The following ANKRD42 variants were observed in gnomAD, a reference collection of about 807,000 sequenced individuals.
The protein encoded by ANKRD42 is ankyrin repeat domain 42.
A neutral mutation model predicts 51.5 loss-of-function variants in ANKRD42; 43 were observed. That is an observed-to-expected ratio of 0.83 (90% confidence interval 0.65 to 1.08). The LOEUF (loss-of-function observed/expected upper bound fraction) is 1.08. Among genes scored for constraint, ANKRD42 ranks in the 50% least tolerant of loss-of-function variants. ANKRD42 has a pLI of 0.00. For missense variants in ANKRD42, 608 were observed against 629.3 expected, an observed-to-expected ratio of 0.97 and a Z score of 0.36; for synonymous variants, 203 against 213.0, an observed-to-expected ratio of 0.95 and a Z score of 0.41.
intron 4 of ANKRD42, 67 bp downstream of exon 4, chr11:83,210,486 G>C: frequency 6.4e-7 from 1 of 1,562,036 alleles, no homozygotes; most frequent in Non-Finnish European, 8.7e-7. Context: ...TGGTAGTCTA[G>C]TTATCTCTTC....
downstream of ANKRD42, chr11:83,259,142 A>G (rs536365363): frequency 6.6e-5 from 10 of 152,356 alleles, no homozygotes; most frequent in African/African-American, 2.4e-4. Flanking sequence ...AGTACCTCAC[A>G]TGTGTCTAGA....
intron 3 of ANKRD42, among the ~76,000 whole-genome samples, chr11:83,208,343 G>A (rs1862163934): frequency 6.6e-6 from 1 of 151,578 alleles, no homozygotes; most frequent in African/African-American, 2.4e-5. Flanking sequence ...AGAAAAGAGA[G>A]TTTTTATATA....
At chr11:83,236,791 A>T (rs1218766005) in intron 8 of ANKRD42, among the ~76,000 whole-genome samples, 1 of 152,194 alleles carries the variant, frequency 6.6e-6, no homozygotes, top group African/African-American at 2.4e-5. Context: ...ACCTTCACCA[A>T]CTGGAGGTCC....
At chr11:83,233,165 T>A (rs1863130056) in intron 7 of ANKRD42, among the ~76,000 whole-genome samples, 1 of 152,078 alleles carries the variant, frequency 6.6e-6, no homozygotes, top group Non-Finnish European at 1.5e-5. Context: ...GTATTAGTTC[T>A]TCTTTAAATG....
chr11:83,262,027 GAGA>G, downstream of ANKRD42: 1 of 1,183,398 alleles, frequency 8.5e-7, no homozygotes, highest in Non-Finnish European at 1.2e-6. Flanking sequence ...CAGAGATAAA[GAGA>G]ATAATGTTAT....
chr11:83,244,795 CA>C (rs1336942827), intron 9 of ANKRD42, among the ~76,000 whole-genome samples: 1 of 152,212 alleles, frequency 6.6e-6, no homozygotes, highest in Non-Finnish European at 1.5e-5. Context: ...TGACCAATCA[CA>C]AAATTTGTGG....
chr11:83,264,157 T>C (rs1433406012), downstream of ANKRD42, among the ~76,000 whole-genome samples: 4 of 152,194 alleles, frequency 2.6e-5, no homozygotes, highest in African/African-American at 9.6e-5. Context: ...CAATACAGTA[T>C]TGTCCTTAAT....
downstream of ANKRD42, among the ~76,000 whole-genome samples, chr11:83,262,702 TA>T (rs1306620545): frequency 1.3e-5 from 2 of 152,164 alleles, no homozygotes; most frequent in African/African-American, 4.8e-5. Context: ...CCTTTCAAAG[TA>T]AAGTTATTCA....
intron 7 of ANKRD42, among the ~76,000 whole-genome samples, chr11:83,233,523 A>G (rs1337203542): frequency 6.6e-6 from 1 of 152,068 alleles, no homozygotes; most frequent in African/African-American, 2.4e-5. Flanking sequence ...AACTTTTCAG[A>G]AAAAGCCCAG....
chr11:83,216,392 C>T (rs1283327946), intron 5 of ANKRD42, among the ~76,000 whole-genome samples: 7 of 151,780 alleles, frequency 4.6e-5, no homozygotes, highest in East Asian at 1.9e-4. Context: ...GGCGCAATCT[C>T]GGCTCACTGC....
downstream of ANKRD42, among the ~76,000 whole-genome samples, chr11:83,256,700 C>T (rs671074): frequency 0.4 from 60,410 of 152,048 alleles, 12,175 homozygotes; most frequent in African/African-American, 0.45. Context: ...CATAGACTGC[C>T]CACCCTTTGG....
intron 10 of ANKRD42, 151 bp from the exon 11 acceptor site, chr11:83,247,792 C>T: frequency 2.6e-6 from 2 of 764,732 alleles, no homozygotes; most frequent in Non-Finnish European, 2.0e-6. Context: ...GGTCAGTGCT[C>T]ATTCTTAGTA....
At chr11:83,259,899 C>T (rs1463313955), downstream of ANKRD42, 2 of 152,228 alleles carry the variant, frequency 1.3e-5, no homozygotes, top group Non-Finnish European at 2.9e-5. Context: ...GACAGATTTA[C>T]CCTGTCTCAA....
At chr11:83,255,585 TAG>T (rs1863755640) in intron 11 of ANKRD42, among the ~76,000 whole-genome samples, 2 of 152,190 alleles carry the variant, frequency 1.3e-5, no homozygotes, top group Non-Finnish European at 2.9e-5. Flanking sequence ...ATCTGACAAG[TAG>T]CCACTTCTTA....
intron 1 of ANKRD42, among the ~76,000 whole-genome samples, chr11:83,198,217 A>T (rs933194782): frequency 6.6e-6 from 1 of 152,170 alleles, no homozygotes; most frequent in South Asian, 2.1e-4. Context: ...CTGAGACCTC[A>T]GTTCTCTGAT....
In ANKRD42 at chr11:83,198,422, C is replaced by CT. The variant is rs150340749; in HGVS notation, c.59-48dup. On this transcript the variant is annotated intron_variant, in intron 1 of 10. Transcript: ENST00000533342. ...CTTTCTGTTATATCACTGTTTTAGT[C>CT]TTTTTTTTTCTTTCATAGTTTTGTA... is the stretch of plus-strand genomic sequence containing the variant. The CT allele has an allele frequency of 2.1e-3, 3,140 of 1,472,086 alleles. 5 individuals carry two copies. The highest frequency in any genetic ancestry group is 2.4e-3 in the Non-Finnish European group (2,646 of 1,087,112). 91.2% of individuals were successfully genotyped at this position (1,472,086 alleles called of 1,614,324 possible).
rs1370007206 is a variant in ANKRD42, at chr11:83,210,321, A to G, written c.352A>G (p.Asn118Asp). 6.2e-7 allele frequency: 1 copy of G among 1,613,790 alleles called. No individual in the cohort carries two copies. Among genetic ancestry groups the G allele is most frequent in the Non-Finnish European group, 8.5e-7 (1 of 1,179,808 alleles). ...CVQALIMNGA[N>D]LTAQDDRGCT... ...TTAGGCTCTTATAATGAATGGAGCA[A>G]ATCTGACAGCCCAGGATGACCGGGG... is the stretch of plus-strand genomic sequence containing the variant. The change falls in exon 4 of 11, where the codon AAT becomes GAT. Residue 118 changes from asparagine to aspartate, a missense_variant. Physicochemically the swap from Asn to Asp is conservative, Grantham distance 23. Coordinates refer to ENST00000533342, the MANE Select transcript of ANKRD42 (RefSeq NM_001300975.2).
At chr11:83,252,729 CAG>C (rs934631730), downstream of ANKRD42, among the ~76,000 whole-genome samples, 3 of 151,938 alleles carry the variant, frequency 2.0e-5, no homozygotes, top group Admixed American at 6.6e-5. Context: ...GTCATGGTCA[CAG>C]GGGTGTGTTC....
At chr11:83,243,921 C>T (rs967291839) in intron 9 of ANKRD42, among the ~76,000 whole-genome samples, 5 of 147,262 alleles carry the variant, frequency 3.4e-5, no homozygotes, top group Non-Finnish European at 5.9e-5. Context: ...GCCTCGGCCT[C>T]GCAAAGTGCT....
Sources: gnomAD v4.1 joint callset for allele counts (sites outside exome capture counted in the v4.1 genomes callset) on GRCh38, gnomAD v4.1.1 for gene constraint, MANE v1.5 for transcripts, NCBI Gene and HGNC (gene_info 2026-07-23, HGNC 2026-07-21) for gene names.